Variants in CHRM3 observed in about 807,000 individuals in gnomAD.
CHRM3 encodes muscarinic acetylcholine receptor M3.
CHRM3 carries 11 observed loss-of-function variants against 41.8 expected under a neutral mutation model. The ratio of observed to expected loss-of-function variants is 0.26; its 90% CI spans 0.17 to 0.44. CHRM3 has a LOEUF of 0.44. Ranked by LOEUF, CHRM3 falls within the 20% of genes least tolerant of loss-of-function variation. CHRM3 has a pLI of 1.00. For missense variants in CHRM3, 571 were observed against 745.4 expected (o/e 0.77, Z 2.72); for synonymous variants, 297 against 301.4 (o/e 0.99, Z 0.15).
intron 1 of CHRM3, among the ~76,000 whole-genome samples, chr1:239,404,424 AAGAAAGAAAGAAAG>A (rs1558195886): frequency 4.4e-4 from 46 of 104,838 alleles, no homozygotes; most frequent in Admixed American, 7.0e-4. Flanking sequence ...GAAAGAAAGA[AAGAAAGAAAGAAAG>A]AAAGAAAGAA....
intron 1 of CHRM3, among the ~76,000 whole-genome samples, chr1:239,447,237 A>G (rs1396780260): frequency 6.6e-6 from 1 of 152,152 alleles, no homozygotes; most frequent in Non-Finnish European, 1.5e-5. Flanking sequence ...TTTTAGAGAT[A>G]ACAAAACAGG....
chr1:239,573,240 T>G (rs933222299), intron 3 of CHRM3, among the ~76,000 whole-genome samples: 4 of 152,192 alleles, frequency 2.6e-5, no homozygotes, highest in African/African-American at 9.6e-5. Context: ...TGCTTCTACC[T>G]TTTCAGTGCT....
rs1184034933 is a variant in CHRM3, at chr1:239,387,513, C to G, written c.-521+286C>G. 6.6e-6 allele frequency among the ~76,000 whole-genome samples: 1 copy of G among 151,900 alleles called. No homozygotes were observed. The highest frequency in any genetic ancestry group is 1.5e-5 in the Non-Finnish European group (1 of 68,002). On this transcript the variant is annotated intron_variant, in intron 1 of 6. Coordinates refer to ENST00000676153, the MANE Select transcript of CHRM3 (RefSeq NM_001375978.1). The surrounding 1 kb of genome is among the most constrained non-coding windows in gnomAD (Gnocchi z 5.1). ...TGGCACTCAAGTGCCCCGAAAGGGA[C>G]GGGAATCATGCGAGCGGTGGCCGGG...
At chr1:239,524,622 TC>T (rs1355899611) in intron 2 of CHRM3, among the ~76,000 whole-genome samples, 1 of 152,160 alleles carries the variant, frequency 6.6e-6, no homozygotes, top group Non-Finnish European at 1.5e-5. Context: ...GAAAACCAGA[TC>T]CTTTTTCATA....
At chr1:239,400,729 T>C (rs1384244408) in intron 1 of CHRM3, among the ~76,000 whole-genome samples, 1 of 152,208 alleles carries the variant, frequency 6.6e-6, no homozygotes, top group Non-Finnish European at 1.5e-5. Context: ...TGTGTGTTTT[T>C]GGCATCTTTG....
chr1:239,600,329 C>T (rs1399578783), intron 3 of CHRM3, among the ~76,000 whole-genome samples: 1 of 151,962 alleles, frequency 6.6e-6, no homozygotes, highest in Non-Finnish European at 1.5e-5. Flanking sequence ...GGGAGGCTGA[C>T]CCCTATGTGG....
intron 6 of CHRM3, among the ~76,000 whole-genome samples, chr1:239,858,338 A>G (rs1675292366): frequency 6.6e-6 from 1 of 152,020 alleles, no homozygotes; most frequent in Admixed American, 6.6e-5. Context: ...TTTAGCTTTT[A>G]TTGTCACTTG....
intron 4 of CHRM3, among the ~76,000 whole-genome samples, chr1:239,660,246 G>T (rs1450198037): frequency 6.6e-6 from 1 of 151,994 alleles, no homozygotes; most frequent in Non-Finnish European, 1.5e-5. Flanking sequence ...GCCTCCCAAA[G>T]TACTGGGATT....
At chr1:239,860,777 C>G (rs1675569880) in intron 6 of CHRM3, among the ~76,000 whole-genome samples, 2 of 152,142 alleles carry the variant, frequency 1.3e-5, no homozygotes, top group Admixed American at 6.5e-5. Flanking sequence ...GATGCTCAAC[C>G]TGTAGCAAGT....
chr1:239,405,806 T>G (rs1358785432), intron 1 of CHRM3, among the ~76,000 whole-genome samples: 1 of 152,202 alleles, frequency 6.6e-6, no homozygotes, highest in African/African-American at 2.4e-5. Context: ...GACTGTATGT[T>G]TTAAATATGA....
chr1:239,404,410 A>AGG (rs1553293483), intron 1 of CHRM3, among the ~76,000 whole-genome samples: 2 of 51,754 alleles, frequency 3.9e-5, no homozygotes, highest in African/African-American at 1.3e-4. Context: ...GAAAGAAAGA[A>AGG]AAAGAAAGAA....
At chr1:239,807,818 G>A (rs1039766206) in intron 5 of CHRM3, among the ~76,000 whole-genome samples, 11 of 148,438 alleles carry the variant, frequency 7.4e-5, no homozygotes, top group Non-Finnish European at 1.3e-4. Context: ...TTTGCTTTGC[G>A]CACACACACA....
At chr1:239,423,300 A>C (rs6659150) in intron 1 of CHRM3, among the ~76,000 whole-genome samples, 1 of 152,228 alleles carries the variant, frequency 6.6e-6, no homozygotes, top group South Asian at 2.1e-4. Context: ...AATCATATGC[A>C]ATTAAGAAGT....
intron 3 of CHRM3, among the ~76,000 whole-genome samples, chr1:239,603,833 T>C (rs1665908284): frequency 6.6e-6 from 1 of 152,152 alleles, no homozygotes; most frequent in South Asian, 2.1e-4. Flanking sequence ...AAGTTCTGTT[T>C]GTGGTAAAGA....
chr1:239,721,750 T>C (rs1330986292), intron 5 of CHRM3, among the ~76,000 whole-genome samples: 1 of 151,886 alleles, frequency 6.6e-6, no homozygotes, highest in East Asian at 1.9e-4. Flanking sequence ...ACAAAAGAAG[T>C]CTTTACTATA....
intron 5 of CHRM3, among the ~76,000 whole-genome samples, chr1:239,698,080 T>C (rs1467383690): frequency 6.6e-6 from 1 of 152,118 alleles, no homozygotes; most frequent in Admixed American, 6.6e-5. Context: ...AGGAGCAATT[T>C]TTAAAAAGAG....
intron 6 of CHRM3, among the ~76,000 whole-genome samples, chr1:239,844,100 C>T (rs1339335691): frequency 6.6e-6 from 1 of 152,126 alleles, no homozygotes; most frequent in African/African-American, 2.4e-5. Flanking sequence ...AATTTTCTCT[C>T]TTAGCAATTT....
rs1672836562 is a variant in CHRM3 at position 239,657,688 on chromosome 1, T to G, written c.-249-20498T>G. Among the ~76,000 whole-genome samples the G allele has an allele frequency of 2.6e-5, 4 of 152,336 alleles. No homozygotes were observed. The East Asian group carries it at 7.7e-4, about 29-fold the overall frequency. Reference sequence around the variant, plus strand: ...GCATTAAATCTCATGGCAAAACCACTTGAATACACATTTTGATCCTGTGAT... The same window carrying G: ...GCATTAAATCTCATGGCAAAACCACGTGAATACACATTTTGATCCTGTGAT... On this transcript the variant is annotated intron_variant, in intron 4 of 6. Coordinates refer to ENST00000676153, the MANE Select transcript of CHRM3 (RefSeq NM_001375978.1).
chr1:239,422,524 G>A (rs561743700), intron 1 of CHRM3, among the ~76,000 whole-genome samples: 6 of 152,208 alleles, frequency 3.9e-5, no homozygotes, highest in South Asian at 4.2e-4. Context: ...GTCCAAGCGC[G>A]GTGGCTCATG....
Sources: gnomAD v4.1 joint callset for allele counts (sites outside exome capture counted in the v4.1 genomes callset) on GRCh38, gnomAD v4.1.1 for gene constraint, Gnocchi (gnomAD v3.1) non-coding constraint, MANE v1.5 for transcripts, NCBI Gene and HGNC (gene_info 2026-07-23, HGNC 2026-07-21) for gene names.